The following DPYSL2 variants were observed in gnomAD, a reference collection of about 807,000 sequenced individuals.
DPYSL2 encodes dihydropyrimidinase like 2.
Under a neutral mutation model 69.9 loss-of-function variants are expected in DPYSL2, and 13 were observed. The ratio of observed to expected loss-of-function variants is 0.19; its 90% CI spans 0.12 to 0.30. The LOEUF (loss-of-function observed/expected upper bound fraction) is 0.30, where lower values mean the gene tolerates loss of function less well. DPYSL2 is among the 10% of genes least tolerant of loss of function. The pLI is 1.00. For synonymous variants in DPYSL2, 326 were observed against 359.1 expected (o/e 0.91, Z 1.04); for missense variants, 587 against 918.9 (o/e 0.64, Z 4.67).
At chr8:26,579,374 A>G (rs1207245617) in intron 1 of DPYSL2, among the ~76,000 whole-genome samples, 1 of 152,166 alleles carries the variant, frequency 6.6e-6, no homozygotes, top group Non-Finnish European at 1.5e-5. Flanking sequence ...TTCCATCCCC[A>G]GTGAAATCCC....
Position 26,605,596 on chromosome 8 carries a change from T to C in DPYSL2, c.629-18547T>C, listed in dbSNP as rs1802090485. 6.6e-6 allele frequency among the ~76,000 whole-genome samples: 1 copy of C among 152,178 alleles called. No individual in the cohort carries two copies. The highest frequency in any genetic ancestry group is 1.5e-5 in the Non-Finnish European group (1 of 68,032). ...GGTTTACTTTAGCCATTCAAAGGAA[T>C]TAAATGAAGAAATATTTGATCTAAG... On this transcript the variant is annotated intron_variant, in intron 3 of 13. Coordinates refer to ENST00000521913, the MANE Select transcript of DPYSL2 (RefSeq NM_001197293.3). The surrounding 1 kb of genome is among the most constrained non-coding windows in gnomAD (Gnocchi z 4.1).
intron 1 of DPYSL2, chr8:26,576,970 C>A (rs1168721115): frequency 6.8e-6 from 2 of 294,930 alleles, no homozygotes; most frequent in South Asian, 2.4e-5. Context: ...GTAAAGCGGG[C>A]GCACAGAGCG....
intron 3 of DPYSL2, among the ~76,000 whole-genome samples, chr8:26,584,582 GCC>G (rs1801557420): frequency 6.7e-6 from 1 of 149,100 alleles, no homozygotes; most frequent in South Asian, 2.1e-4. Flanking sequence ...ACAGCTGGGT[GCC>G]CCTTACGTAT....
chr8:26,592,877 G>A (rs888019900), intron 3 of DPYSL2, among the ~76,000 whole-genome samples: 5 of 152,104 alleles, frequency 3.3e-5, no homozygotes, highest in African/African-American at 9.7e-5. Flanking sequence ...ACCCATTAAG[G>A]GCTGTTTCTC....
intron 8 of DPYSL2, among the ~76,000 whole-genome samples, chr8:26,636,275 C>T (rs1802913496): frequency 6.6e-6 from 1 of 152,236 alleles, no homozygotes; most frequent in East Asian, 1.9e-4. Flanking sequence ...GCCACCCAGA[C>T]ACGCATTTGC....
chr8:26,612,623 G>A lies in DPYSL2; in HGVS notation c.629-11520G>A, dbSNP rs550067358. ...TCCCAGCACTTTGGGAGGCCGAGGCGGGTGGATCACTTGAGCTCATTATCT... is the reference window on the plus strand; with the variant it reads ...TCCCAGCACTTTGGGAGGCCGAGGCAGGTGGATCACTTGAGCTCATTATCT... On this transcript the variant is annotated intron_variant, in intron 3 of 13. Transcript: ENST00000521913. Among the ~76,000 whole-genome samples, 8 of 152,296 alleles carry A rather than the reference G, an allele frequency of 5.3e-5. 1 individual carries two copies. The East Asian group carries it at 1.2e-3, about 22-fold the overall frequency.
intron 1 of DPYSL2, among the ~76,000 whole-genome samples, chr8:26,554,356 GT>G (rs1800912087): frequency 1.1e-5 from 1 of 89,464 alleles, no homozygotes; most frequent in Admixed American, 1.6e-4. Context: ...CCTTTGCCCA[GT>G]TTTTAATGGT....
rs937216389 is a variant in DPYSL2, at chr8:26,652,494, C to T, written c.1776+58C>T. 2.0e-6 allele frequency: 3 copies of T among 1,520,450 alleles called. No homozygotes were observed. Among genetic ancestry groups the T allele is most frequent in the Admixed American group, 1.9e-5 (1 of 53,776 alleles). 94.2% of individuals were successfully genotyped at this position (1,520,450 alleles called of 1,614,324 possible). ...AAATCACGAATTAAGTTCAAGGCCA[C>T]AAACATTTATTAAGCACCTTGAGAC... On this transcript the variant is annotated intron_variant, in intron 12 of 13. Coordinates refer to ENST00000521913, the MANE Select transcript of DPYSL2 (RefSeq NM_001197293.3). This position sits in a 1 kb window ranked among gnomAD's most constrained non-coding sequence, Gnocchi z 6.3.
rs951060577 is a variant in DPYSL2, at chr8:26,516,716, A to T, written c.354+2037A>T. On this transcript the variant is annotated intron_variant, in intron 1 of 13. Transcript: ENST00000521913. The surrounding 1 kb of genome is among the most constrained non-coding windows in gnomAD (Gnocchi z 4.8). ...TCACATTGATTTCAGTTGCCCAGTT[A>T]TTAGTAACAGAGGGCGATTCTAGCT... Among the ~76,000 whole-genome samples, 1 of 152,208 alleles carries T rather than the reference A, an allele frequency of 6.6e-6. No individual in the cohort carries two copies. Among genetic ancestry groups the T allele is most frequent in the Non-Finnish European group, 1.5e-5 (1 of 68,026 alleles).
intron 1 of DPYSL2, among the ~76,000 whole-genome samples, chr8:26,538,270 T>C (rs867844621): frequency 2.6e-5 from 4 of 152,060 alleles, no homozygotes; most frequent in Non-Finnish European, 5.9e-5. Flanking sequence ...ACAAAAACAA[T>C]GAACAAACAG....
intron 1 of DPYSL2, among the ~76,000 whole-genome samples, chr8:26,570,478 T>A (rs557823440): frequency 1.3e-5 from 2 of 152,078 alleles, no homozygotes. Flanking sequence ...CGGGGGCTCA[T>A]GCCTGTAATC....
rs559792485 is a variant in DPYSL2 at position 26,588,601 on chromosome 8, C to T, written c.628+4618C>T. On this transcript the variant is annotated intron_variant, in intron 3 of 13. Transcript: ENST00000521913. This position sits in a 1 kb window ranked among gnomAD's most constrained non-coding sequence, Gnocchi z 5.4. ...TTCCTGGTCCCTGGGTAGCACCGCA[C>T]AGCAGAGATGGGGACTGGACTCTAG... Among the ~76,000 whole-genome samples, 3 of 152,282 alleles carry T rather than the reference C, an allele frequency of 2.0e-5. No individual in the cohort carries two copies. In the South Asian group the frequency reaches 6.2e-4, roughly 32 times the overall value.
chr8:26,637,201 T>C (rs1802942188), intron 8 of DPYSL2, among the ~76,000 whole-genome samples: 1 of 152,164 alleles, frequency 6.6e-6, no homozygotes. Context: ...CTGTTACCCA[T>C]TAATCTGTGA....
chr8:26,645,733 A>G (rs930061661), intron 10 of DPYSL2, among the ~76,000 whole-genome samples: 10 of 152,004 alleles, frequency 6.6e-5, no homozygotes, highest in African/African-American at 2.4e-4. Flanking sequence ...TATTTTTAGT[A>G]GAGACAGGGT....
chr8:26,629,691 A>G (rs565903549), intron 7 of DPYSL2, among the ~76,000 whole-genome samples: 1 of 152,376 alleles, frequency 6.6e-6, no homozygotes, highest in South Asian at 2.1e-4. Context: ...GACAGCTTGC[A>G]GGCGAGAGCA....
At chr8:26,555,389 A>T (rs1037550502) in intron 1 of DPYSL2, among the ~76,000 whole-genome samples, 3 of 152,200 alleles carry the variant, frequency 2.0e-5, no homozygotes, top group Non-Finnish European at 2.9e-5. Context: ...GGAACTAGTA[A>T]ATGATTATAT....
intron 1 of DPYSL2, among the ~76,000 whole-genome samples, chr8:26,556,201 C>A (rs180699638): frequency 1.9e-4 from 1 of 5,384 alleles, no homozygotes; most frequent in African/African-American, 4.3e-4. Context: ...ATTATATATA[C>A]TATATATATA....
At position 26,640,602 on chromosome 8, in the gene DPYSL2, G is replaced by A. The variant is rs986599224; in HGVS notation, c.1127-2837G>A. Reference sequence around the variant, plus strand: ...CAGACCACTGGGGATGGGAGGCAGAGACTCTATGTATAGATCATACTCTTG... The same window carrying A: ...CAGACCACTGGGGATGGGAGGCAGAAACTCTATGTATAGATCATACTCTTG... On this transcript the variant is annotated intron_variant, in intron 8 of 13. Coordinates refer to ENST00000521913, the MANE Select transcript of DPYSL2 (RefSeq NM_001197293.3). The surrounding 1 kb of genome is among the most constrained non-coding windows in gnomAD (Gnocchi z 4.2). Among the ~76,000 whole-genome samples the A allele has an allele frequency of 2.6e-5, 4 of 152,150 alleles. No homozygotes were observed. The highest frequency in any genetic ancestry group is 9.7e-5 in the African/African-American group (4 of 41,432).
chr8:26,563,191 C>T (rs17055460), intron 1 of DPYSL2, among the ~76,000 whole-genome samples: 2,570 of 152,184 alleles, frequency 0.017, 73 homozygotes, highest in East Asian at 0.13. Context: ...TAAAGGGCCA[C>T]GCTCATGTCT....
Sources: gnomAD v4.1 joint callset for allele counts (sites outside exome capture counted in the v4.1 genomes callset) on GRCh38, gnomAD v4.1.1 for gene constraint, Gnocchi (gnomAD v3.1) non-coding constraint, MANE v1.5 for transcripts, NCBI Gene and HGNC (gene_info 2026-07-23, HGNC 2026-07-21) for gene names.